Variants in RNF217 observed in about 807,000 individuals in gnomAD.
The protein encoded by RNF217 is ring finger protein 217.
A neutral mutation model predicts 57.8 loss-of-function variants in RNF217; 31 were observed. The ratio of observed to expected loss-of-function variants is 0.54; its 90% CI spans 0.40 to 0.72. RNF217 has a LOEUF of 0.72. RNF217 is among the 30% of genes least tolerant of loss of function. The probability of loss-of-function intolerance (pLI) is 0.00; values close to 1 mark genes in which losing one functional copy is unlikely to be tolerated. For synonymous variants in RNF217, 313 were observed against 294.0 expected, an observed-to-expected ratio of 1.06 and a Z score of -0.66; for missense variants, 696 against 708.3, an observed-to-expected ratio of 0.98 and a Z score of 0.20.
rs1241088835 is a variant in RNF217 at position 125,007,746 on chromosome 6, T to A, written c.883-37465T>A. 2.0e-5 allele frequency among the ~76,000 whole-genome samples: 3 copies of A among 152,198 alleles called. No homozygotes were observed. The East Asian group carries it at 5.8e-4, about 29-fold the overall frequency. On this transcript the variant is annotated intron_variant, in intron 1 of 5. Coordinates refer to ENST00000521654, the MANE Select transcript of RNF217 (RefSeq NM_001286398.3). Reference sequence around the variant, plus strand: ...AATTATTTTCCACAGACATCCCTTATACTTCAGGTTAGAGAACCAGACAGT... The same window carrying A: ...AATTATTTTCCACAGACATCCCTTAAACTTCAGGTTAGAGAACCAGACAGT...
intron 3 of RNF217, among the ~76,000 whole-genome samples, chr6:125,070,471 A>G (rs1321957854): frequency 6.6e-6 from 1 of 152,156 alleles, no homozygotes; most frequent in East Asian, 1.9e-4. Flanking sequence ...ACAAACATAA[A>G]AGTGTTTTCT....
rs1427645641 is a variant in RNF217 at position 125,087,323 on chromosome 6, T to G, written c.*4386T>G. On this transcript the variant is annotated 3_prime_UTR_variant, in exon 6 of 6. Transcript: ENST00000521654. ...CAAAAAACGTTTTTAGATTTTAATT[T>G]TATAAGCAACCTGCACATAAGCCTT... is the stretch of plus-strand genomic sequence containing the variant. 6.6e-6 allele frequency: 1 copy of G among 152,176 alleles called. No individual in the cohort carries two copies. Among genetic ancestry groups the G allele is most frequent in the Non-Finnish European group, 1.5e-5 (1 of 68,028 alleles). 9.4% of individuals were successfully genotyped at this position (152,176 alleles called of 1,614,324 possible).
rs149917265 is a variant in RNF217, at chr6:124,973,094, G to T, written c.882+9668G>T. On this transcript the variant is annotated intron_variant, in intron 1 of 5. Transcript: ENST00000521654. ...CGTCAATATGTAAACTATTTGAATA[G>T]ATAGGCAAAGTGATATTTTTAAATG... Among the ~76,000 whole-genome samples, 330 of 152,268 alleles carry T rather than the reference G, an allele frequency of 2.2e-3. 2 individuals are homozygous for T. Among genetic ancestry groups the T allele is most frequent in the African/African-American group, 7.3e-3 (302 of 41,544 alleles).
intron 2 of RNF217, among the ~76,000 whole-genome samples, chr6:125,051,063 T>C (rs1474367613): frequency 6.6e-6 from 1 of 152,036 alleles, no homozygotes; most frequent in Non-Finnish European, 1.5e-5. Context: ...AGTGTTTTGC[T>C]AAGGCTGTTC....
chr6:124,976,599 T>C (rs1212919970), intron 1 of RNF217, among the ~76,000 whole-genome samples: 3 of 146,094 alleles, frequency 2.1e-5, no homozygotes. Context: ...AGATTCTTCA[T>C]AGTGATTCTC....
At chr6:125,082,576 G>A in intron 5 of RNF217, 3 of 1,605,888 alleles carry the variant, frequency 1.9e-6, no homozygotes, top group Non-Finnish European at 2.5e-6. Flanking sequence ...GAGTATCATA[G>A]TGTGCAAATG....
intron 5 of RNF217, 69 bp downstream of exon 5, chr6:125,081,576 G>C: frequency 8.3e-7 from 1 of 1,204,056 alleles, no homozygotes; most frequent in Non-Finnish European, 1.2e-6. Context: ...GAGTGTAAAT[G>C]TAATAATATG....
chr6:125,073,900 T>G (rs1235499483), intron 3 of RNF217, among the ~76,000 whole-genome samples: 1 of 152,224 alleles, frequency 6.6e-6, no homozygotes, highest in Non-Finnish European at 1.5e-5. Flanking sequence ...TATCACATTT[T>G]ACACTGGTTG....
chr6:125,058,338 T>C (rs1787602475), intron 3 of RNF217, among the ~76,000 whole-genome samples: 1 of 152,148 alleles, frequency 6.6e-6, no homozygotes, highest in African/African-American at 2.4e-5. Context: ...CATATAAATA[T>C]TGACTTAAGA....
chr6:125,022,503 T>G (rs1330370192), intron 1 of RNF217, among the ~76,000 whole-genome samples: 1 of 152,208 alleles, frequency 6.6e-6, no homozygotes, highest in Non-Finnish European at 1.5e-5. Flanking sequence ...TCTGCCCTTT[T>G]TCTTTCAATT....
At chr6:125,065,696 A>T (rs1787908303) in intron 3 of RNF217, among the ~76,000 whole-genome samples, 2 of 152,176 alleles carry the variant, frequency 1.3e-5, no homozygotes, top group African/African-American at 2.4e-5. Flanking sequence ...TTGCTAAAGG[A>T]TCTAAAGCTT....
intron 1 of RNF217, among the ~76,000 whole-genome samples, chr6:125,024,546 T>C (rs2114432109): frequency 6.6e-6 from 1 of 151,376 alleles, no homozygotes; most frequent in South Asian, 2.1e-4. Context: ...AGTAAAATCC[T>C]GTCTCCACTA....
chr6:125,067,952 A>C (rs1787997095), intron 3 of RNF217, among the ~76,000 whole-genome samples: 1 of 152,202 alleles, frequency 6.6e-6, no homozygotes, highest in African/African-American at 2.4e-5. Context: ...ATAGTGTATC[A>C]AAGGTCAGTA....
intron 1 of RNF217, among the ~76,000 whole-genome samples, chr6:124,968,027 G>A (rs1046944449): frequency 1.3e-5 from 2 of 152,104 alleles, no homozygotes; most frequent in Admixed American, 6.5e-5. Context: ...TGGTCCACCC[G>A]CCTCGCACTC....
At chr6:124,983,063 T>G (rs1045932375) in intron 1 of RNF217, among the ~76,000 whole-genome samples, 2 of 152,238 alleles carry the variant, frequency 1.3e-5, no homozygotes, top group African/African-American at 2.4e-5. Context: ...GCTTTCTATA[T>G]ATTTCTTCTT....
chr6:125,084,305 G>A lies in RNF217; in HGVS notation c.*1368G>A, dbSNP rs975044682. 1 of 151,762 alleles carries A rather than the reference G, an allele frequency of 6.6e-6. No homozygotes were observed. The highest frequency in any genetic ancestry group is 2.4e-5 in the African/African-American group (1 of 41,374). The allele number at this position is 151,762 out of a possible 1,614,324, so 9.4% of individuals were successfully genotyped here. On this transcript the variant is annotated 3_prime_UTR_variant, in exon 6 of 6. Transcript: ENST00000521654. ...AAAAAAGTGAAGGAAATATTTTCAG[G>A]AAGTTTTTCTCAACCTACAAAAGCT...
intron 3 of RNF217, among the ~76,000 whole-genome samples, chr6:125,061,700 A>G (rs1295824449): frequency 6.6e-6 from 1 of 151,388 alleles, no homozygotes; most frequent in East Asian, 1.9e-4. Context: ...TAAATATGTT[A>G]TTCTCTTTCT....
intron 1 of RNF217, among the ~76,000 whole-genome samples, chr6:125,005,365 G>A (rs968531686): frequency 3.3e-5 from 5 of 152,162 alleles, no homozygotes; most frequent in Non-Finnish European, 7.4e-5. Context: ...GCAAAATGTT[G>A]ACTCTGCAAC....
At chr6:125,017,165 A>T (rs11154283) in intron 1 of RNF217, among the ~76,000 whole-genome samples, 74,027 of 152,092 alleles carry the variant, frequency 0.49, 19,952 homozygotes, top group Non-Finnish European at 0.61. Flanking sequence ...TTTTTATGAC[A>T]CTGCCTTTCA....
Sources: allele counts gnomAD v4.1 joint callset (sites outside exome capture counted in the v4.1 genomes callset), GRCh38; gene constraint gnomAD v4.1.1; transcripts MANE v1.5; gene names NCBI Gene and HGNC (gene_info 2026-07-23, HGNC 2026-07-21).